The following NOX4 variants were observed in gnomAD, a reference collection of about 807,000 sequenced individuals.
NOX4 encodes the protein kidney oxidase-1.
A neutral mutation model predicts 87.6 loss-of-function variants in NOX4; 69 were observed. The ratio of observed to expected loss-of-function variants is 0.79; its 90% confidence interval spans 0.65 to 0.96. NOX4 has a LOEUF of 0.96. Ranked by LOEUF, NOX4 falls within the 40% of genes least tolerant of loss-of-function variation. The pLI is 0.00. For synonymous variants in NOX4, 275 were observed against 238.2 expected, an observed-to-expected ratio of 1.15 and a Z score of -1.42; for missense variants, 680 against 681.5, an observed-to-expected ratio of 1.00 and a Z score of 0.02.
the NOX4 span, among the ~76,000 whole-genome samples, chr11:89,562,063 T>C: frequency 1.7e-4 from 26 of 152,276 alleles, no homozygotes; most frequent in Non-Finnish European, 3.2e-4. Context: ...GTTACTGAGA[T>C]CAGAGTTACT....
At chr11:89,532,724 G>T in the NOX4 span, among the ~76,000 whole-genome samples, 1 of 152,254 alleles carries the variant, frequency 6.6e-6, no homozygotes, top group South Asian at 2.1e-4. Context: ...ATTTTGTTCT[G>T]TGTCCCTACC....
the NOX4 span, among the ~76,000 whole-genome samples, chr11:89,588,902 T>A: frequency 6.6e-6 from 1 of 152,176 alleles, no homozygotes; most frequent in Non-Finnish European, 1.5e-5. Context: ...AAAGATGTAA[T>A]TGCAGAGGGG....
chr11:89,342,040 A>G lies in NOX4; in HGVS notation c.1337+34T>C, dbSNP rs1946025433. On this transcript the variant is annotated intron_variant, in intron 14 of 17. Transcript: ENST00000263317. Reference sequence around the variant, plus strand: ...ATATCAGAAATATTGGCAGTTCTCTATTTGGATTAACAAAATAGATCAAAA... The same window carrying G: ...ATATCAGAAATATTGGCAGTTCTCTGTTTGGATTAACAAAATAGATCAAAA... 1.9e-6 allele frequency: 3 copies of G among 1,559,016 alleles called. No individual in the cohort carries two copies. In the East Asian group the frequency reaches 6.8e-5, roughly 35 times the overall value.
At chr11:89,550,639 G>A in the NOX4 span, among the ~76,000 whole-genome samples, 1 of 151,770 alleles carries the variant, frequency 6.6e-6, no homozygotes, top group African/African-American at 2.4e-5. Context: ...TTTTTGATGG[G>A]GTTGTTTTTT....
At chr11:89,333,280 A>G (rs1297545515) in intron 17 of NOX4, among the ~76,000 whole-genome samples, 1 of 151,888 alleles carries the variant, frequency 6.6e-6, no homozygotes, top group Non-Finnish European at 1.5e-5. Flanking sequence ...AGCCAAGAAA[A>G]AAATAAAACA....
chr11:89,565,181 T>C, the NOX4 span, among the ~76,000 whole-genome samples: 1 of 152,182 alleles, frequency 6.6e-6, no homozygotes, highest in Non-Finnish European at 1.5e-5. Context: ...ACTATGAACA[T>C]GTATAAAAGA....
chr11:89,585,882 C>A, the NOX4 span, among the ~76,000 whole-genome samples: 1 of 152,166 alleles, frequency 6.6e-6, no homozygotes, highest in African/African-American at 2.4e-5. Flanking sequence ...CCTCTTAACC[C>A]AAGGCCTATC....
At chr11:89,421,669 A>G (rs1591184490) in intron 8 of NOX4, among the ~76,000 whole-genome samples, 3 of 152,172 alleles carry the variant, frequency 2.0e-5, no homozygotes, top group African/African-American at 2.4e-5. Context: ...AGGTTGTTGG[A>G]GAGGTAATTC....
At chr11:89,522,372 C>G in the NOX4 span, among the ~76,000 whole-genome samples, 2 of 152,112 alleles carry the variant, frequency 1.3e-5, no homozygotes, top group South Asian at 2.1e-4. Context: ...AAGAATGCAG[C>G]TGGAGGCCAT....
chr11:89,515,063 T>G, the NOX4 span, among the ~76,000 whole-genome samples: 1 of 152,200 alleles, frequency 6.6e-6, no homozygotes, highest in Non-Finnish European at 1.5e-5. Flanking sequence ...AAATACAATT[T>G]TTATGAATAT....
At chr11:89,418,583 T>TA (rs1942918990) in intron 8 of NOX4, among the ~76,000 whole-genome samples, 1 of 151,762 alleles carries the variant, frequency 6.6e-6, no homozygotes, top group Non-Finnish European at 1.5e-5. Flanking sequence ...ATCTGAAATA[T>TA]CACAACGTGA....
At chr11:89,348,228 A>G (rs886141821) in intron 13 of NOX4, among the ~76,000 whole-genome samples, 1 of 152,124 alleles carries the variant, frequency 6.6e-6, no homozygotes, top group African/African-American at 2.4e-5. Flanking sequence ...TAGCCTGGCC[A>G]ATATGGTGAA....
chr11:89,437,654 A>G (rs1944146779), intron 6 of NOX4, among the ~76,000 whole-genome samples: 1 of 152,110 alleles, frequency 6.6e-6, no homozygotes, highest in South Asian at 2.1e-4. Flanking sequence ...AGGCCATAAA[A>G]AAATGTTTAC....
chr11:89,587,773 C>T, the NOX4 span, among the ~76,000 whole-genome samples: 1 of 152,100 alleles, frequency 6.6e-6, no homozygotes, highest in Non-Finnish European at 1.5e-5. Flanking sequence ...ATATCTATCT[C>T]TACCAATATA....
the NOX4 span, among the ~76,000 whole-genome samples, chr11:89,586,346 A>G: frequency 6.6e-6 from 1 of 152,182 alleles, no homozygotes; most frequent in African/African-American, 2.4e-5. Flanking sequence ...TTTCACATGC[A>G]TTATATAATG....
the NOX4 span, among the ~76,000 whole-genome samples, chr11:89,561,085 A>ATC: frequency 7.5e-5 from 9 of 120,566 alleles, no homozygotes; most frequent in South Asian, 2.7e-4. Flanking sequence ...ATATATATAT[A>ATC]TCCTATCAGT....
chr11:89,520,913 A>G, the NOX4 span, among the ~76,000 whole-genome samples: 1 of 152,186 alleles, frequency 6.6e-6, no homozygotes, highest in African/African-American at 2.4e-5. Context: ...TCAAGCTGAC[A>G]GCCAAATCAA....
chr11:89,586,310 T>C, the NOX4 span, among the ~76,000 whole-genome samples: 1 of 152,194 alleles, frequency 6.6e-6, no homozygotes, highest in Non-Finnish European at 1.5e-5. Context: ...TGAGTACTTA[T>C]TAAGTGTCAG....
At chr11:89,526,891 C>T in the NOX4 span, among the ~76,000 whole-genome samples, 1 of 152,226 alleles carries the variant, frequency 6.6e-6, no homozygotes, top group Admixed American at 6.5e-5. Flanking sequence ...GTGGAAGTGA[C>T]TTTGGAAGTG....
Sources: gnomAD v4.1 joint callset for allele counts (sites outside exome capture counted in the v4.1 genomes callset) on GRCh38, gnomAD v4.1.1 for gene constraint, MANE v1.5 for transcripts, NCBI Gene and HGNC (gene_info 2026-07-23, HGNC 2026-07-21) for gene names.